SLF1: variants seen among roughly 807,000 people sequenced by gnomAD.
SLF1 encodes SMC5/6 complex localization factor 1, also known as SMC5-SMC6 complex localization factor protein 1.
A neutral mutation model predicts 123.0 loss-of-function variants in SLF1; 105 were observed. That is an observed-to-expected ratio of 0.85 (90% CI 0.73 to 1.00). The LOEUF is 1.00. Ranked by LOEUF, SLF1 falls within the 50% of genes least tolerant of loss-of-function variation. The pLI is 0.00. For missense variants in SLF1, 1,239 were observed against 1,223.0 expected, an observed-to-expected ratio of 1.01 and a Z score of -0.20; for synonymous variants, 434 against 406.6, an observed-to-expected ratio of 1.07 and a Z score of -0.81.
chr5:94,628,271 G>A (rs1744808682), intron 1 of SLF1, among the ~76,000 whole-genome samples: 1 of 151,818 alleles, frequency 6.6e-6, no homozygotes, highest in Non-Finnish European at 1.5e-5. Context: ...TCAGCCTCCT[G>A]AGTATTACAG....
At chr5:94,637,232 A>G (rs992085242) in intron 4 of SLF1, among the ~76,000 whole-genome samples, 8 of 152,038 alleles carry the variant, frequency 5.3e-5, no homozygotes, top group African/African-American at 1.9e-4. Context: ...CTGTTTAGTG[A>G]TCACTGGGAG....
chr5:94,637,578 T>C (rs1745957073), intron 4 of SLF1, among the ~76,000 whole-genome samples: 1 of 152,084 alleles, frequency 6.6e-6, no homozygotes, highest in African/African-American at 2.4e-5. Context: ...CTAACTGCTA[T>C]GCTTAGTACA....
At chr5:94,646,571 C>T (rs1243201161) in intron 5 of SLF1, among the ~76,000 whole-genome samples, 1 of 152,098 alleles carries the variant, frequency 6.6e-6, no homozygotes, top group Non-Finnish European at 1.5e-5. Flanking sequence ...TAACGTATCT[C>T]AATTGTTTGG....
intron 1 of SLF1, among the ~76,000 whole-genome samples, chr5:94,621,338 A>G (rs1450668056): frequency 2.6e-5 from 4 of 152,190 alleles, no homozygotes; most frequent in African/African-American, 7.2e-5. Flanking sequence ...TAGTTTCTTA[A>G]TCACTCCGAT....
chr5:94,621,794 T>G (rs2152461070), intron 1 of SLF1, among the ~76,000 whole-genome samples: 1 of 152,252 alleles, frequency 6.6e-6, no homozygotes, highest in Non-Finnish European at 1.5e-5. Context: ...GAGGGACTAA[T>G]TACTGCTTCT....
Position 94,652,823 on chromosome 5 carries a change from A to G in SLF1, c.883-449A>G, listed in dbSNP as rs946392141. Reference sequence around the variant, plus strand: ...TTACTAATGTACACCTACTCTGTCAATGGATGAGATTTTCTGTTGTACGTA... The same window carrying G: ...TTACTAATGTACACCTACTCTGTCAGTGGATGAGATTTTCTGTTGTACGTA... On this transcript the variant is annotated intron_variant, in intron 7 of 20. Coordinates refer to ENST00000265140, the MANE Select transcript of SLF1 (RefSeq NM_032290.4). Among the ~76,000 whole-genome samples the G allele has an allele frequency of 5.9e-5, 9 of 152,188 alleles. No individual in the cohort carries two copies. In the East Asian group the frequency reaches 1.3e-3, roughly 23 times the overall value.
intron 18 of SLF1, among the ~76,000 whole-genome samples, 187 bp downstream of exon 18, chr5:94,689,793 A>G (rs1752875831): frequency 6.6e-6 from 1 of 152,162 alleles, no homozygotes; most frequent in Non-Finnish European, 1.5e-5. Flanking sequence ...TGATTGTTTA[A>G]TAACCAGTAT....
chr5:94,695,586 GATATT>G lies in SLF1; in HGVS notation c.*280_*284del, dbSNP rs1753468210. ...ATTAATGTTTTTTTGTTCTGAAAGTGATATTATATTGTACATGTAAAATTAATTTA... is the reference window on the plus strand; with the variant it reads ...ATTAATGTTTTTTTGTTCTGAAAGTGATATTGTACATGTAAAATTAATTTA... On this transcript the variant is annotated 3_prime_UTR_variant, in exon 21 of 21. Transcript: ENST00000265140. 1 of 200,284 alleles carries G rather than the reference GATATT, an allele frequency of 5.0e-6. No homozygotes were observed. 12.4% of individuals were successfully genotyped at this position (200,284 alleles called of 1,614,324 possible). A position where few individuals can be genotyped will look rare whatever the true frequency, so the allele number is the denominator to read the frequency against.
Position 94,695,448 on chromosome 5 carries a change from A to T in SLF1, c.*136A>T, listed in dbSNP as rs896534718. 3 of 1,116,582 alleles carry T rather than the reference A, an allele frequency of 2.7e-6. No homozygotes were observed. The highest frequency in any genetic ancestry group is 3.5e-6 in the Non-Finnish European group (3 of 845,254). The allele number at this position is 1,116,582 out of a possible 1,614,324, so 69.2% of individuals were successfully genotyped here. A position where few individuals can be genotyped will look rare whatever the true frequency, so the allele number is the denominator to read the frequency against. ...ACTTTGCAGCCTTGCTAAATTTTAA[A>T]AGCATTTTTAAAAAAACTTCTACAA... is the stretch of plus-strand genomic sequence containing the variant. On this transcript the variant is annotated 3_prime_UTR_variant, in exon 21 of 21. Coordinates refer to ENST00000265140, the MANE Select transcript of SLF1 (RefSeq NM_032290.4).
chr5:94,653,193 A>C (rs1747956313), intron 7 of SLF1, 79 bp from the exon 8 acceptor site: 1 of 1,311,486 alleles, frequency 7.6e-7, no homozygotes, highest in Non-Finnish European at 1.0e-6. Flanking sequence ...GAAAGTATGA[A>C]AGTCACTCTT....
At chr5:94,684,525 T>C (rs113115923) in intron 15 of SLF1, among the ~76,000 whole-genome samples, 5,828 of 151,746 alleles carry the variant, frequency 0.038, 216 homozygotes, top group East Asian at 0.21. Context: ...GGTGAAACCC[T>C]GTCTCTACTA....
At chr5:94,637,241 A>T (rs1479576987) in intron 4 of SLF1, among the ~76,000 whole-genome samples, 2 of 152,080 alleles carry the variant, frequency 1.3e-5, no homozygotes, top group African/African-American at 2.4e-5. Context: ...GATCACTGGG[A>T]GATCACTGCT....
rs902046865 is a variant in SLF1, at chr5:94,670,140, A to G, written c.1533-11A>G. ...TTGTATGTTATAGATTTTTGGGTTC[A>G]TGTTTTTCAGGTCTTGCCTTTTCAA... On this transcript the variant is annotated splice_polypyrimidine_tract_variant and intron_variant, in intron 12 of 20. Coordinates refer to ENST00000265140, the MANE Select transcript of SLF1 (RefSeq NM_032290.4). 6.5e-7 allele frequency: 1 copy of G among 1,529,834 alleles called. No individual in the cohort carries two copies. The highest frequency in any genetic ancestry group is 8.8e-7 in the Non-Finnish European group (1 of 1,137,976). 94.8% of individuals were successfully genotyped at this position (1,529,834 alleles called of 1,614,324 possible). A position where few individuals can be genotyped will look rare whatever the true frequency, so the allele number is the denominator to read the frequency against.
chr5:94,694,795 G>C (rs779011493), intron 20 of SLF1, 36 bp from the exon 21 acceptor site: 9 of 1,519,102 alleles, frequency 5.9e-6, no homozygotes, highest in African/African-American at 1.4e-5. Flanking sequence ...AAATAGAAAT[G>C]TTTTACTTGC....
intron 16 of SLF1, among the ~76,000 whole-genome samples, chr5:94,687,657 A>C (rs1752588991): frequency 6.6e-6 from 1 of 152,046 alleles, no homozygotes; most frequent in Non-Finnish European, 1.5e-5. Flanking sequence ...TAACCACTGT[A>C]CTGTAGCCTA....
intron 11 of SLF1, 150 bp from the exon 12 acceptor site, chr5:94,665,711 C>CCACT: frequency 1.5e-6 from 1 of 666,906 alleles, no homozygotes; most frequent in Non-Finnish European, 2.4e-6. Context: ...CAAGATCGTG[C>CCACT]CACTGCACTC....
intron 4 of SLF1, among the ~76,000 whole-genome samples, chr5:94,637,121 G>A (rs911908431): frequency 4.6e-5 from 7 of 152,122 alleles, no homozygotes; most frequent in African/African-American, 1.7e-4. Flanking sequence ...TTTCTTTGGA[G>A]GTGCCCTGAT....
In SLF1 at chr5:94,654,846, A is replaced by G. The variant is rs1007153860; in HGVS notation, c.1155+94A>G. The G allele has an allele frequency of 4.4e-6, 4 of 910,556 alleles. No homozygotes were observed. In the African/African-American group the frequency reaches 7.0e-5, roughly 16 times the overall value. The allele number at this position is 910,556 out of a possible 1,614,324, so 56.4% of individuals were successfully genotyped here. On this transcript the variant is annotated intron_variant, in intron 9 of 20. Coordinates refer to ENST00000265140, the MANE Select transcript of SLF1 (RefSeq NM_032290.4). Reference sequence around the variant, plus strand: ...ATATATACATATATACATATGATTCATTAGTATGTTTAATATGTCTTAAAA... The same window carrying G: ...ATATATACATATATACATATGATTCGTTAGTATGTTTAATATGTCTTAAAA...
In SLF1 at chr5:94,650,451, C is replaced by T. The variant is rs907183241; in HGVS notation, c.738+854C>T. ...TATCTCGGCTCACTGCAAGCTCTGC[C>T]TCCTGGGTTCACGCCATTCTCCTGC... On this transcript the variant is annotated intron_variant, in intron 6 of 20. Transcript: ENST00000265140. Among the ~76,000 whole-genome samples the T allele has an allele frequency of 2.0e-5, 3 of 151,002 alleles. No homozygotes were observed. The South Asian group carries it at 6.3e-4, about 31-fold the overall frequency.
Sources: allele counts gnomAD v4.1 joint callset (sites outside exome capture counted in the v4.1 genomes callset), GRCh38; gene constraint gnomAD v4.1.1; transcripts MANE v1.5; gene names NCBI Gene and HGNC (gene_info 2026-07-23, HGNC 2026-07-21).